Variants in BACH1 observed in about 807,000 individuals in gnomAD.
BACH1 encodes the protein transcription regulator protein BACH1.
BACH1 carries 35 observed loss-of-function variants against 52.9 expected under a neutral mutation model. The observed-to-expected ratio is 0.66, with a 90% CI of 0.51 to 0.88. The LOEUF is 0.88. Ranked by LOEUF, BACH1 falls within the 40% of genes least tolerant of loss-of-function variation. BACH1 has a pLI of 0.00. For synonymous variants in BACH1, 321 were observed against 319.6 expected (o/e 1.00, Z -0.05); for missense variants, 808 against 872.6 (o/e 0.93, Z 0.93).
chr21:29,353,322 A>G (rs187507837), intron 2 of BACH1, among the ~76,000 whole-genome samples: 12 of 152,332 alleles, frequency 7.9e-5, no homozygotes, highest in Admixed American at 7.8e-4. Context: ...CAAATGAAAC[A>G]ATGTATGGAA....
At chr21:29,339,697 A>G (rs2089089304) in intron 4 of BACH1, among the ~76,000 whole-genome samples, 1 of 146,948 alleles carries the variant, frequency 6.8e-6, no homozygotes, top group Non-Finnish European at 1.5e-5. Flanking sequence ...CAGCGGCACA[A>G]TCTCGGCTCA....
At chr21:29,316,202 T>TCAA (rs2088784697) in intron 1 of BACH1, among the ~76,000 whole-genome samples, 1 of 152,216 alleles carries the variant, frequency 6.6e-6, no homozygotes, top group Non-Finnish European at 1.5e-5. Flanking sequence ...TTTTTTTTCC[T>TCAA]TTAAATAAAT....
At chr21:29,318,831 CA>C (rs2088816792) in intron 1 of BACH1, among the ~76,000 whole-genome samples, 1 of 152,018 alleles carries the variant, frequency 6.6e-6, no homozygotes, top group Non-Finnish European at 1.5e-5. Context: ...AGCTCAGGTC[CA>C]ATTTTTTTTT....
chr21:29,323,952 C>T (rs1271438918), intron 2 of BACH1, among the ~76,000 whole-genome samples: 1 of 151,902 alleles, frequency 6.6e-6, no homozygotes, highest in Non-Finnish European at 1.5e-5. Context: ...GTGTATCCAC[C>T]ACCATAGTTA....
Position 29,315,769 on chromosome 21 carries a change from A to G in BACH1, c.-60-5452A>G, listed in dbSNP as rs543774000. Among the ~76,000 whole-genome samples, 183 of 152,356 alleles carry G rather than the reference A, an allele frequency of 1.2e-3. 1 individual carries two copies. Among genetic ancestry groups the G allele is most frequent in the Non-Finnish European group, 2.5e-3 (168 of 68,026 alleles). The stretch of plus-strand genomic sequence containing the variant: ...CAAATAAATACCTTTCCAGATGTCC[A>G]CATTCCTGTGTAAATTGATTATAAT... On this transcript the variant is annotated intron_variant, in intron 1 of 4. Coordinates refer to ENST00000286800, the MANE Select transcript of BACH1 (RefSeq NM_001186.4).
intron 4 of BACH1, among the ~76,000 whole-genome samples, chr21:29,338,408 C>G (rs191012853): frequency 1.4e-4 from 21 of 152,244 alleles, no homozygotes; most frequent in Non-Finnish European, 2.8e-4. Flanking sequence ...GGGTTTCACT[C>G]TGTCACCCAG....
At chr21:29,337,929 T>TAAAACAAAAACA (rs147963506) in intron 4 of BACH1, among the ~76,000 whole-genome samples, 1 of 151,772 alleles carries the variant, frequency 6.6e-6, no homozygotes. Context: ...AACTCCGTCT[T>TAAAACAAAAACA]AAAACAAAAA....
intron 1 of BACH1, among the ~76,000 whole-genome samples, chr21:29,307,113 A>G (rs1208886213): frequency 6.6e-6 from 1 of 152,222 alleles, no homozygotes; most frequent in Non-Finnish European, 1.5e-5. Context: ...AGCCTGGCTC[A>G]GATAGAATTG....
chr21:29,332,022 T>G (rs1191615646), intron 4 of BACH1, among the ~76,000 whole-genome samples: 1 of 152,122 alleles, frequency 6.6e-6, no homozygotes, highest in African/African-American at 2.4e-5. Context: ...TGTCTCTGTC[T>G]CCCGGGTTCA....
rs537617555 is a variant in BACH1 at position 29,344,097 on chromosome 21, G to A, written c.*1264G>A. 72 of 152,270 alleles carry A rather than the reference G, an allele frequency of 4.7e-4. No homozygotes were observed. Among genetic ancestry groups the A allele is most frequent in the African/African-American group, 1.7e-3 (69 of 41,542 alleles). The allele number at this position is 152,270 out of a possible 1,614,324, so 9.4% of individuals were successfully genotyped here. ...GAGCACCTATCGCATAACATTTTGC[G>A]GTGGCTTTTAGCCATGCTGGGGTTA... On this transcript the variant is annotated 3_prime_UTR_variant, in exon 5 of 5. Coordinates refer to ENST00000286800, the MANE Select transcript of BACH1 (RefSeq NM_001186.4).
chr21:29,336,464 A>T (rs1033347946), intron 4 of BACH1, among the ~76,000 whole-genome samples: 1 of 152,180 alleles, frequency 6.6e-6, no homozygotes, highest in Non-Finnish European at 1.5e-5. Flanking sequence ...TGTGTTGCTT[A>T]GTTATCTATG....
intron 3 of BACH1, among the ~76,000 whole-genome samples, chr21:29,328,559 A>G (rs1255242837): frequency 6.6e-6 from 1 of 152,070 alleles, no homozygotes; most frequent in Non-Finnish European, 1.5e-5. Flanking sequence ...TTGTAAGAAT[A>G]CTTAACATGG....
At chr21:29,330,535 T>C (rs1388463409) in intron 4 of BACH1, among the ~76,000 whole-genome samples, 1 of 152,190 alleles carries the variant, frequency 6.6e-6, no homozygotes, top group East Asian at 1.9e-4. Flanking sequence ...ATTAGTTTAC[T>C]CCTCTTTCTT....
At chr21:29,340,378 T>C (rs1050953938) in intron 4 of BACH1, among the ~76,000 whole-genome samples, 4 of 152,214 alleles carry the variant, frequency 2.6e-5, no homozygotes, top group Admixed American at 2.6e-4. Flanking sequence ...GTTTTAGTTG[T>C]TGTGAAGAAG....
At chr21:29,359,808 C>G (rs1361657798) in intron 2 of BACH1, among the ~76,000 whole-genome samples, 2 of 152,142 alleles carry the variant, frequency 1.3e-5, no homozygotes, top group Non-Finnish European at 2.9e-5. Flanking sequence ...TTCTGTTGAA[C>G]TTCATCCTGG....
In BACH1 at chr21:29,345,362, T is replaced by C. The variant is rs1223527904; in HGVS notation, c.*2529T>C. ...TATACAGTGTATGCCTTTTCCTTCA[T>C]GCAGAATTTTGAAATGTTTTCAGTT... On this transcript the variant is annotated 3_prime_UTR_variant, in exon 5 of 5. Coordinates refer to ENST00000286800, the MANE Select transcript of BACH1 (RefSeq NM_001186.4). 6.6e-6 allele frequency: 1 copy of C among 152,360 alleles called. No individual in the cohort carries two copies. The highest frequency in any genetic ancestry group is 2.4e-5 in the African/African-American group (1 of 41,460). The allele number at this position is 152,360 out of a possible 1,614,324, so 9.4% of individuals were successfully genotyped here. A position where few individuals can be genotyped will look rare whatever the true frequency, so the allele number is the denominator to read the frequency against.
At chr21:29,333,260 T>C (rs1376441611) in intron 4 of BACH1, among the ~76,000 whole-genome samples, 1 of 152,198 alleles carries the variant, frequency 6.6e-6, no homozygotes, top group East Asian at 1.9e-4. Context: ...TTGGGTGATG[T>C]TATGGATCTT....
chr21:29,305,500 T>C (rs983118641), intron 1 of BACH1, among the ~76,000 whole-genome samples: 1 of 152,196 alleles, frequency 6.6e-6, no homozygotes, highest in African/African-American at 2.4e-5. Flanking sequence ...CTGGGCCACC[T>C]TTTCTTCTTT....
chr21:29,322,083 C>T (rs2088855310), intron 2 of BACH1, among the ~76,000 whole-genome samples: 1 of 152,140 alleles, frequency 6.6e-6, no homozygotes, highest in African/African-American at 2.4e-5. Context: ...CTTATAAAAC[C>T]ATCACATCTC....
Sources: gnomAD v4.1 joint callset for allele counts (sites outside exome capture counted in the v4.1 genomes callset) on GRCh38, gnomAD v4.1.1 for gene constraint, MANE v1.5 for transcripts, NCBI Gene and HGNC (gene_info 2026-07-23, HGNC 2026-07-21) for gene names.